Variants in ASMT observed in about 807,000 individuals in gnomAD.
The protein encoded by ASMT is acetylserotonin O-methyltransferase, also known as acetylserotonin N-methyltransferase.
In ASMT, 53 loss-of-function variants were observed where a neutral mutation model predicts 41.3. The observed-to-expected ratio is 1.28, with a 90% CI of 1.03 to 1.61. ASMT has a LOEUF of 1.61. Among genes scored for constraint, ASMT ranks in the 40% most tolerant of loss-of-function variants. ASMT has a pLI of 0.00. For missense variants in ASMT, 531 were observed against 441.3 expected, an observed-to-expected ratio of 1.20 and a Z score of -1.82; for synonymous variants, 231 against 184.8, an observed-to-expected ratio of 1.25 and a Z score of -2.03.
rs745812058 is a variant in ASMT, at chrX:1,642,882, C to T, written c.990C>T (p.Asn330=). ...TGCTCACGCAGCTCTACTCTCTGAACATGCTTGTGCAGACGGAAGGGCAGG... is the reference window on the plus strand; with the variant it reads ...TGCTCACGCAGCTCTACTCTCTGAATATGCTTGTGCAGACGGAAGGGCAGG... ...GPLLTQLYSL[N]MLVQTEGQER... Residue 330 remains asparagine (N), a synonymous_variant, in exon 9 of 9, where the codon AAC becomes AAT. Coordinates refer to ENST00000381241, the MANE Select transcript of ASMT (RefSeq NM_001171038.2). The T allele has an allele frequency of 1.2e-6, 2 of 1,614,010 alleles. No individual in the cohort carries two copies. The highest frequency in any genetic ancestry group is 2.2e-5 in the South Asian group (2 of 91,076).
intron 5 of ASMT, 89 bp downstream of exon 5, chrX:1,630,028 C>T: frequency 8.3e-7 from 1 of 1,199,868 alleles, no homozygotes; most frequent in Non-Finnish European, 1.2e-6. Context: ...TTTCTGCATT[C>T]TGATGCTTTG....
chrX:1,620,291 C>A (rs1455487546), intron 1 of ASMT, among the ~76,000 whole-genome samples: 1 of 149,670 alleles, frequency 6.7e-6, no homozygotes, highest in Non-Finnish European at 1.5e-5. Context: ...CCTGCCTCAG[C>A]CTCCCGAATA....
intron 2 of ASMT, among the ~76,000 whole-genome samples, chrX:1,623,711 G>A (rs1419421770): frequency 2.6e-5 from 4 of 152,086 alleles, no homozygotes; most frequent in Non-Finnish European, 5.9e-5. Context: ...TTGAGCCCAG[G>A]AGTTCGAGAC....
In ASMT at chrX:1,615,181, C is replaced by A. The variant is rs749178414; in HGVS notation, c.-19C>A. On this transcript the variant is annotated 5_prime_UTR_variant, in exon 1 of 9. Coordinates refer to ENST00000381241, the MANE Select transcript of ASMT (RefSeq NM_001171038.2). ...AGCGCTCCAGAGGCTCCGGAAGCCA[C>A]GGCTGGATTGGAGACAAGATGGGAT... The A allele has an allele frequency of 6.3e-7, 1 of 1,581,804 alleles. No homozygotes were observed.
In ASMT at chrX:1,625,909, C is replaced by G. The variant is rs185115455; in HGVS notation, c.374+1511C>G. Among the ~76,000 whole-genome samples the G allele has an allele frequency of 3.5e-5, 5 of 143,856 alleles. No individual in the cohort carries two copies. The East Asian group carries it at 6.4e-4, about 18-fold the overall frequency. 94.4% of individuals were successfully genotyped at this position (143,856 alleles called of 152,430 possible). A position where few individuals can be genotyped will look rare whatever the true frequency, so the allele number is the denominator to read the frequency against. On this transcript the variant is annotated intron_variant, in intron 3 of 8. Transcript: ENST00000381241. Reference sequence around the variant, plus strand: ...GGCGGAGGTTGCAGTGAGCCAAGATCGCACCACTGCACTCCAGCCTGGGCG... The same window carrying G: ...GGCGGAGGTTGCAGTGAGCCAAGATGGCACCACTGCACTCCAGCCTGGGCG...
chrX:1,626,891 T>C (rs1180313344), intron 3 of ASMT, among the ~76,000 whole-genome samples: 4 of 145,958 alleles, frequency 2.7e-5, no homozygotes, highest in African/African-American at 1.0e-4. Context: ...GAGCCAGGCA[T>C]GGTGGCGGGT....
intron 7 of ASMT, among the ~76,000 whole-genome samples, chrX:1,633,929 C>T (rs1250845816): frequency 1.3e-5 from 2 of 150,286 alleles, no homozygotes; most frequent in Admixed American, 6.6e-5. Flanking sequence ...TGAACCATCA[C>T]ACCCGGCCTC....
rs113433123 is a variant in ASMT, at chrX:1,628,291, A to T, written c.443+520A>T. Among the ~76,000 whole-genome samples, 570 of 152,328 alleles carry T rather than the reference A, an allele frequency of 3.7e-3. 3 individuals carry two copies. Among genetic ancestry groups the T allele is most frequent in the African/African-American group, 0.013 (539 of 41,572 alleles). On this transcript the variant is annotated intron_variant, in intron 4 of 8. Coordinates refer to ENST00000381241, the MANE Select transcript of ASMT (RefSeq NM_001171038.2). ...ATCTGAGATCGCACCACTGCACTCC[A>T]GCCTGGGCAACAAGAGTGAAACTCC...
chrX:1,636,859 C>G (rs1433866067), intron 8 of ASMT, among the ~76,000 whole-genome samples: 4 of 152,228 alleles, frequency 2.6e-5, no homozygotes, highest in Admixed American at 6.5e-5. Context: ...CAGTGCCCCA[C>G]TGACTTCTGA....
intron 5 of ASMT, among the ~76,000 whole-genome samples, chrX:1,632,433 C>T (rs1314808057): frequency 3.3e-5 from 5 of 152,210 alleles, no homozygotes; most frequent in South Asian, 2.1e-4. Context: ...GGGCGGATCA[C>T]GAGGTCAGGA....
intron 3 of ASMT, among the ~76,000 whole-genome samples, chrX:1,625,951 T>C (rs1934532667): frequency 1.5e-5 from 1 of 66,088 alleles, no homozygotes. Context: ...CGAGACTCCA[T>C]CTCAAAAAAA....
chrX:1,625,643 C>G (rs1158414860), intron 3 of ASMT, among the ~76,000 whole-genome samples: 2 of 150,292 alleles, frequency 1.3e-5, no homozygotes, highest in African/African-American at 4.9e-5. Flanking sequence ...AGAGAGAAGA[C>G]CTGGACTCAA....
intron 7 of ASMT, among the ~76,000 whole-genome samples, chrX:1,634,347 C>G (rs1277538906): frequency 1.3e-5 from 2 of 152,196 alleles, no homozygotes; most frequent in African/African-American, 2.4e-5. Flanking sequence ...ACAACACACA[C>G]CACTCACTGC....
intron 7 of ASMT, 142 bp downstream of exon 7, chrX:1,633,432 C>G (rs1410090455): frequency 1.5e-5 from 14 of 933,246 alleles, no homozygotes; most frequent in African/African-American, 3.2e-5. Context: ...GTCTGTTATT[C>G]ATGATGGATG....
intron 1 of ASMT, among the ~76,000 whole-genome samples, chrX:1,618,766 T>C (rs1182421478): frequency 6.6e-6 from 1 of 152,214 alleles, no homozygotes; most frequent in Non-Finnish European, 1.5e-5. Flanking sequence ...AAAGGTGGGA[T>C]TTCTGTTACT....
At chrX:1,627,613 T>G in intron 3 of ASMT, 90 bp from the exon 4 acceptor site, 1 of 1,246,818 alleles carries the variant, frequency 8.0e-7, no homozygotes, top group South Asian at 1.2e-5. Flanking sequence ...AGAGCTGAAA[T>G]GAAATGAAAC....
Position 1,643,061 on chromosome X carries a change from T to C in ASMT, c.*47T>C. 1.3e-6 allele frequency: 2 copies of C among 1,590,696 alleles called. No homozygotes were observed. Among genetic ancestry groups the C allele is most frequent in the Non-Finnish European group, 1.7e-6 (2 of 1,158,842 alleles). ...TAACGTCAAAGCACACAAGACATAA[T>C]AATAAAGACATGTACCTCCAGTGGC... On this transcript the variant is annotated 3_prime_UTR_variant, in exon 9 of 9. Coordinates refer to ENST00000381241, the MANE Select transcript of ASMT (RefSeq NM_001171038.2).
At chrX:1,627,820 T>A in intron 4 of ASMT, 49 bp downstream of exon 4, 1 of 1,556,890 alleles carries the variant, frequency 6.4e-7, no homozygotes, top group Non-Finnish European at 8.9e-7. Flanking sequence ...ATTCTGTTTA[T>A]TTTTAAAGGA....
Position 1,615,125 on chromosome X carries a change from C to G in ASMT, c.-75C>G, listed in dbSNP as rs1278913659. On this transcript the variant is annotated 5_prime_UTR_variant, in exon 1 of 9. Transcript: ENST00000381241. ...CTGTGAGCGGGTGGCTCTTCCCCAC[C>G]TTGCCAGCAGGCTCTGTGCTCCTTG... The G allele has an allele frequency of 2.1e-6, 3 of 1,415,670 alleles. No individual in the cohort carries two copies. Among genetic ancestry groups the G allele is most frequent in the South Asian group, 2.5e-5 (2 of 81,450 alleles). 87.7% of individuals were successfully genotyped at this position (1,415,670 alleles called of 1,614,324 possible). A position where few individuals can be genotyped will look rare whatever the true frequency, so the allele number is the denominator to read the frequency against.
Sources: gnomAD v4.1 joint callset for allele counts (sites outside exome capture counted in the v4.1 genomes callset) on GRCh38, gnomAD v4.1.1 for gene constraint, MANE v1.5 for transcripts, NCBI Gene and HGNC (gene_info 2026-07-23, HGNC 2026-07-21) for gene names.